Variants in ZNF385D observed in about 807,000 individuals in gnomAD.
ZNF385D encodes zinc finger protein 659.
ZNF385D carries 15 observed loss-of-function variants against 35.8 expected under a neutral mutation model. The ratio of observed to expected loss-of-function variants is 0.42; its 90% CI spans 0.28 to 0.64. The LOEUF (loss-of-function observed/expected upper bound fraction) is 0.64, where lower values mean the gene tolerates loss of function less well. Among genes scored for constraint, ZNF385D ranks in the 30% least tolerant of loss-of-function variants. The pLI is 0.23. For synonymous variants in ZNF385D, 212 were observed against 186.8 expected (o/e 1.13, Z -1.10); for missense variants, 474 against 494.6 (o/e 0.96, Z 0.39).
intron 2 of ZNF385D, among the ~76,000 whole-genome samples, chr3:22,223,933 G>T (rs1486390549): frequency 6.6e-6 from 1 of 152,076 alleles, no homozygotes; most frequent in East Asian, 1.9e-4. Flanking sequence ...CAGGGACTTT[G>T]CCTATTTTAT....
chr3:21,591,350 T>C (rs7609618), intron 2 of ZNF385D, among the ~76,000 whole-genome samples: 138,106 of 152,082 alleles, frequency 0.91, 62,902 homozygotes, highest in African/African-American at 0.97. Context: ...AATGAGGAGT[T>C]TGTTTGTCCC....
intron 3 of ZNF385D, among the ~76,000 whole-genome samples, chr3:22,076,010 A>G (rs573050338): frequency 5.3e-5 from 8 of 152,022 alleles, no homozygotes; most frequent in Admixed American, 1.3e-4. Context: ...AAACTGCAAA[A>G]TATATATGAA....
chr3:21,567,817 G>T (rs1432039856), intron 2 of ZNF385D, among the ~76,000 whole-genome samples: 2 of 152,054 alleles, frequency 1.3e-5, no homozygotes, highest in Non-Finnish European at 2.9e-5. Flanking sequence ...TCATATTTTG[G>T]TGATCAGGGT....
At chr3:21,582,085 G>C (rs775366942) in intron 2 of ZNF385D, among the ~76,000 whole-genome samples, 5 of 152,126 alleles carry the variant, frequency 3.3e-5, no homozygotes, top group Non-Finnish European at 5.9e-5. Context: ...GGAAACTGAG[G>C]AAAAACCAGG....
chr3:21,658,741 T>C (rs1247213127), intron 2 of ZNF385D, among the ~76,000 whole-genome samples: 1 of 152,014 alleles, frequency 6.6e-6, no homozygotes, highest in Non-Finnish European at 1.5e-5. Flanking sequence ...CTTTACCATA[T>C]AGCTTTCCTT....
chr3:22,094,403 T>TCAACA, intron 3 of ZNF385D, among the ~76,000 whole-genome samples: 1 of 80,952 alleles, frequency 1.2e-5, no homozygotes, highest in Non-Finnish European at 2.9e-5. Flanking sequence ...TATATATATA[T>TCAACA]ATATATAAAG....
chr3:21,574,037 A>G (rs1436569850), intron 2 of ZNF385D, among the ~76,000 whole-genome samples: 1 of 145,636 alleles, frequency 6.9e-6, no homozygotes, highest in African/African-American at 2.6e-5. Flanking sequence ...TCTAGCCTGC[A>G]CAACAAGAGT....
At position 22,336,909 on chromosome 3, in the gene ZNF385D, CAAAAAAAAAAA is replaced by C. The variant is rs59822476; in HGVS notation, c.106+35530_106+35540del. Among the ~76,000 whole-genome samples the C allele has an allele frequency of 6.0e-4, 29 of 47,960 alleles. 2 individuals carry two copies. Among genetic ancestry groups the C allele is most frequent in the East Asian group, 4.4e-3 (6 of 1,364 alleles). The allele number at this position is 47,960 out of a possible 152,430, so 31.5% of individuals were successfully genotyped here. A position where few individuals can be genotyped will look rare whatever the true frequency, so the allele number is the denominator to read the frequency against. ...AACCACTATGCAAACAGTGATTTTT[CAAAAAAAAAAA>C]AAAAAAAAAAAAAAAAACCCTTACT... On this transcript the variant is annotated intron_variant, in intron 2 of 5. Transcript: ENST00000494108.
At chr3:22,130,230 C>T (rs771074727) in intron 3 of ZNF385D, among the ~76,000 whole-genome samples, 1 of 152,084 alleles carries the variant, frequency 6.6e-6, no homozygotes, top group Non-Finnish European at 1.5e-5. Flanking sequence ...CGTCTTCTCC[C>T]ACAGTTGCAA....
At chr3:22,260,031 A>C (rs2125342242) in intron 2 of ZNF385D, among the ~76,000 whole-genome samples, 2 of 152,170 alleles carry the variant, frequency 1.3e-5, no homozygotes, top group Admixed American at 1.3e-4. Context: ...CAAAATATGC[A>C]TATAGTATAC....
intron 3 of ZNF385D, among the ~76,000 whole-genome samples, chr3:21,526,889 T>C (rs1575108773): frequency 1.3e-5 from 2 of 152,344 alleles, no homozygotes. Context: ...TTATCTTATT[T>C]AGTACTACTA....
In ZNF385D at chr3:21,834,193, C is replaced by T. The variant is rs139006383; in HGVS notation, c.326-169165G>A. On this transcript the variant is annotated intron_variant, in intron 3 of 5. Coordinates refer to the ZNF385D transcript ENST00000494108. ...GATGTTTGCTTACCTCCATTCATTC[C>T]CTTCTCCTTCTTTTCTGAAGTATCC... Among the ~76,000 whole-genome samples the T allele has an allele frequency of 2.6e-4, 39 of 152,202 alleles. 1 individual carries two copies. Among genetic ancestry groups the T allele is most frequent in the African/African-American group, 7.2e-4 (30 of 41,550 alleles).
chr3:22,336,698 T>C (rs1421209076), intron 2 of ZNF385D, among the ~76,000 whole-genome samples: 3 of 151,768 alleles, frequency 2.0e-5, no homozygotes, highest in Non-Finnish European at 4.4e-5. Context: ...ATTTCTATTA[T>C]AAAAAATATT....
chr3:21,644,246 A>G lies in ZNF385D; in HGVS notation c.165+20640T>C, dbSNP rs116514137. Among the ~76,000 whole-genome samples, 379 of 152,312 alleles carry G rather than the reference A, an allele frequency of 2.5e-3. 2 individuals are homozygous for G. Among genetic ancestry groups the G allele is most frequent in the African/African-American group, 8.9e-3 (369 of 41,572 alleles). ...TTTCTGATATTCAACATTAAAATAA[A>G]TGTGAGCTATATACACATTTAAGAA... On this transcript the variant is annotated intron_variant, in intron 2 of 7. Transcript: ENST00000281523.
intron 3 of ZNF385D, among the ~76,000 whole-genome samples, chr3:22,102,986 A>G (rs1485367827): frequency 4.7e-5 from 7 of 149,940 alleles, no homozygotes; most frequent in East Asian, 3.9e-4. Context: ...TATATTTTAT[A>G]TATTATATAC....
intron 3 of ZNF385D, among the ~76,000 whole-genome samples, chr3:22,111,185 T>TTTTTTTTTTTTG (rs1559377211): frequency 8.2e-6 from 1 of 122,096 alleles, no homozygotes; most frequent in African/African-American, 3.3e-5. Flanking sequence ...TTGTTTTTTT[T>TTTTTTTTTTTTG]GTACTCTCAG....
intron 3 of ZNF385D, among the ~76,000 whole-genome samples, chr3:22,122,135 C>T (rs1253477540): frequency 1.3e-5 from 2 of 152,052 alleles, no homozygotes; most frequent in Non-Finnish European, 2.9e-5. Context: ...AAACCCCTTC[C>T]TTCCCCCTCA....
At chr3:21,964,420 AAAAAAAAAAAAAG>A (rs1197265013) in intron 3 of ZNF385D, among the ~76,000 whole-genome samples, 6 of 98,396 alleles carry the variant, frequency 6.1e-5, no homozygotes, top group African/African-American at 1.9e-4. Context: ...TGTAAAAAAA[AAAAAAAAAAAAAG>A]AAAAAAAAAA....
chr3:22,029,784 G>C (rs1438659801), intron 3 of ZNF385D, among the ~76,000 whole-genome samples: 1 of 152,064 alleles, frequency 6.6e-6, no homozygotes, highest in Admixed American at 6.6e-5. Context: ...TATTATGTTA[G>C]GCGTAATTAT....
Sources: allele counts gnomAD v4.1 joint callset (sites outside exome capture counted in the v4.1 genomes callset), GRCh38; gene constraint gnomAD v4.1.1; transcripts MANE v1.5; gene names NCBI Gene and HGNC (gene_info 2026-07-23, HGNC 2026-07-21).